The following COL19A1 variants were observed in gnomAD, a reference collection of about 807,000 sequenced individuals.
COL19A1 encodes collagen type XIX alpha 1 chain, also known as collagen alpha-1(XIX) chain.
Under a neutral mutation model 190.2 loss-of-function variants are expected in COL19A1, and 159 were observed. The ratio of observed to expected loss-of-function variants is 0.84; its 90% CI spans 0.73 to 0.95. The LOEUF is 0.95. Among genes scored for constraint, COL19A1 ranks in the 40% least tolerant of loss-of-function variants. The pLI, the probability that COL19A1 is intolerant of heterozygous loss-of-function variation, is 0.00. For synonymous variants in COL19A1, 509 were observed against 458.9 expected (o/e 1.11, Z -1.39); for missense variants, 1,418 against 1,431.9 (o/e 0.99, Z 0.16).
rs917047623 is a variant in COL19A1 at position 69,920,694 on chromosome 6, T to C, written c.267-7215T>C. Among the ~76,000 whole-genome samples, 11 of 152,072 alleles carry C rather than the reference T, an allele frequency of 7.2e-5. No individual in the cohort carries two copies. The East Asian group carries it at 2.1e-3, about 29-fold the overall frequency. On this transcript the variant is annotated intron_variant, in intron 4 of 50. Coordinates refer to ENST00000620364, the MANE Select transcript of COL19A1 (RefSeq NM_001858.6). ...GTGCCCTCATAGGCCCATGAATATC[T>C]AGATGACCTTAATTAATGTGTAGAA...
At chr6:69,878,413 T>C (rs1426202440) in intron 1 of COL19A1, among the ~76,000 whole-genome samples, 2 of 151,804 alleles carry the variant, frequency 1.3e-5, no homozygotes, top group Non-Finnish European at 2.9e-5. Context: ...AAGGGGTTTC[T>C]CCATATTGGC....
At chr6:70,143,173 A>G (rs1786374980) in intron 23 of COL19A1, among the ~76,000 whole-genome samples, 2 of 152,192 alleles carry the variant, frequency 1.3e-5, no homozygotes, top group African/African-American at 2.4e-5. Context: ...AACATTTTCA[A>G]TATTCACAGT....
chr6:69,886,673 G>A (rs984286278), intron 2 of COL19A1, among the ~76,000 whole-genome samples: 1 of 151,884 alleles, frequency 6.6e-6, no homozygotes, highest in African/African-American at 2.4e-5. Flanking sequence ...AGTCCAGAGA[G>A]CCTTTGAAAT....
At chr6:70,198,714 A>G (rs1403658697) in intron 48 of COL19A1, among the ~76,000 whole-genome samples, 1 of 152,214 alleles carries the variant, frequency 6.6e-6, no homozygotes, top group East Asian at 1.9e-4. Flanking sequence ...ATAAGAAAAT[A>G]CCTCCAAACT....
chr6:69,922,502 A>G (rs534127766), intron 4 of COL19A1, among the ~76,000 whole-genome samples: 3 of 100,514 alleles, frequency 3.0e-5, no homozygotes, highest in East Asian at 6.0e-4. Context: ...TTTTTTTGAT[A>G]TGGAGTCTTA....
intron 1 of COL19A1, among the ~76,000 whole-genome samples, chr6:69,877,925 A>C (rs1768239917): frequency 6.6e-6 from 1 of 151,966 alleles, no homozygotes; most frequent in South Asian, 2.1e-4. Flanking sequence ...GAATTGCTTG[A>C]ACCAGGACCT....
At position 69,962,861 on chromosome 6, in the gene COL19A1, T is replaced by C. The variant is rs755685537; in HGVS notation, c.1017T>C (p.Thr339=). ...EQGFEGSKGE[T]GEKGEQGEKG... is the part of the protein sequence containing the mutation. ...GTTTTGAAGGCAGCAAAGGAGAAAC[T>C]GGTGAAAAGGTAAATATCTCTTTTT... Residue 339 remains threonine (T), a synonymous_variant, in exon 11 of 51, where the codon ACT becomes ACC. Coordinates refer to ENST00000620364, the MANE Select transcript of COL19A1 (RefSeq NM_001858.6). 1.2e-6 allele frequency: 2 copies of C among 1,607,562 alleles called. No individual in the cohort carries two copies. The highest frequency in any genetic ancestry group is 1.7e-6 in the Non-Finnish European group (2 of 1,175,768).
At chr6:69,961,841 T>TGTATG (rs944439059) in intron 10 of COL19A1, among the ~76,000 whole-genome samples, 2 of 152,160 alleles carry the variant, frequency 1.3e-5, no homozygotes, top group African/African-American at 4.8e-5. Context: ...AAACTAAATA[T>TGTATG]GTATGTATAC....
intron 9 of COL19A1, among the ~76,000 whole-genome samples, chr6:69,941,027 G>A (rs899213978): frequency 1.3e-5 from 2 of 152,130 alleles, no homozygotes; most frequent in African/African-American, 2.4e-5. Context: ...CTTGAAGATC[G>A]AAAGTCATTT....
chr6:69,989,861 A>C (rs1335089470), intron 11 of COL19A1, among the ~76,000 whole-genome samples: 1 of 152,098 alleles, frequency 6.6e-6, no homozygotes, highest in Admixed American at 6.6e-5. Flanking sequence ...CCTAATCCCT[A>C]GTGCTATGAT....
At chr6:70,126,683 A>G (rs765509170) in intron 17 of COL19A1, among the ~76,000 whole-genome samples, 1 of 152,248 alleles carries the variant, frequency 6.6e-6, no homozygotes, top group Non-Finnish European at 1.5e-5. Flanking sequence ...GGCTGCCACA[A>G]CAAAATATCA....
intron 34 of COL19A1, among the ~76,000 whole-genome samples, chr6:70,158,079 C>T (rs1787553415): frequency 6.6e-6 from 1 of 151,986 alleles, no homozygotes; most frequent in Non-Finnish European, 1.5e-5. Flanking sequence ...TGGGGAGTTC[C>T]AGCAAGTTCA....
chr6:69,989,525 C>T (rs531638010), intron 11 of COL19A1, among the ~76,000 whole-genome samples: 6 of 150,308 alleles, frequency 4.0e-5, no homozygotes, highest in Non-Finnish European at 8.8e-5. Flanking sequence ...AACACAAATT[C>T]GTAAACTAAC....
At chr6:70,124,438 T>C (rs1785073792) in intron 17 of COL19A1, among the ~76,000 whole-genome samples, 1 of 152,124 alleles carries the variant, frequency 6.6e-6, no homozygotes, top group South Asian at 2.1e-4. Flanking sequence ...ACCCTACTTC[T>C]CTATACAGTT....
At chr6:69,970,900 A>G (rs900633240) in intron 11 of COL19A1, among the ~76,000 whole-genome samples, 1 of 152,226 alleles carries the variant, frequency 6.6e-6, no homozygotes, top group African/African-American at 2.4e-5. Context: ...GCCAATGATA[A>G]TTGGTATGGG....
chr6:69,973,279 C>T (rs1293881752), intron 11 of COL19A1, among the ~76,000 whole-genome samples: 1 of 152,172 alleles, frequency 6.6e-6, no homozygotes, highest in Non-Finnish European at 1.5e-5. Context: ...TCTCCTTTCT[C>T]AGGATCTGCC....
chr6:69,934,885 A>G (rs1562012917), intron 7 of COL19A1, among the ~76,000 whole-genome samples: 1 of 152,050 alleles, frequency 6.6e-6, no homozygotes, highest in Non-Finnish European at 1.5e-5. Context: ...TACTTCCAAT[A>G]CGAATTGTAT....
intron 14 of COL19A1, among the ~76,000 whole-genome samples, chr6:70,067,935 G>A (rs1326807055): frequency 6.6e-6 from 1 of 151,940 alleles, no homozygotes; most frequent in African/African-American, 2.4e-5. Context: ...CAAGAAAGCA[G>A]TAAATAATAT....
chr6:69,940,413 G>A (rs1447988787), intron 9 of COL19A1, among the ~76,000 whole-genome samples: 1 of 152,048 alleles, frequency 6.6e-6, no homozygotes, highest in African/African-American at 2.4e-5. Flanking sequence ...TCTTGTGACA[G>A]TTTGTTCACA....
Sources: allele counts gnomAD v4.1 joint callset (sites outside exome capture counted in the v4.1 genomes callset), GRCh38; gene constraint gnomAD v4.1.1; transcripts MANE v1.5; gene names NCBI Gene and HGNC (gene_info 2026-07-23, HGNC 2026-07-21).